The following DNAJC18 variants were observed in gnomAD, a reference collection of about 807,000 sequenced individuals.
DNAJC18 encodes dnaJ homolog subfamily C member 18.
Under a neutral mutation model 48.6 loss-of-function variants are expected in DNAJC18, and 40 were observed. That is an observed-to-expected ratio of 0.82 (90% CI 0.64 to 1.07). The LOEUF (loss-of-function observed/expected upper bound fraction) is 1.07. Among genes scored for constraint, DNAJC18 ranks in the 50% least tolerant of loss-of-function variants. DNAJC18 has a pLI of 0.00. For synonymous variants in DNAJC18, 135 were observed against 152.2 expected (o/e 0.89, Z 0.83); for missense variants, 340 against 427.7 (o/e 0.79, Z 1.81).
At chr5:139,437,614 C>T in intron 1 of DNAJC18, 56 bp from the exon 2 acceptor site, 1 of 1,554,072 alleles carries the variant, frequency 6.4e-7, no homozygotes, top group Non-Finnish European at 8.7e-7. Context: ...ATCAACTTTG[C>T]AACCTGCCTT....
intron 2 of DNAJC18, among the ~76,000 whole-genome samples, chr5:139,434,277 C>T (rs746143021): frequency 4.6e-5 from 7 of 152,128 alleles, no homozygotes; most frequent in Non-Finnish European, 1.0e-4. Context: ...GCCACTCAAA[C>T]CTGTGTTGTT....
Position 139,412,748 on chromosome 5 carries a change from T to A in DNAJC18, c.*1400A>T, listed in dbSNP as rs1759011944. On this transcript the variant is annotated 3_prime_UTR_variant, in exon 8 of 8. Transcript: ENST00000302060. Reference sequence around the variant, plus strand: ...AGTCACCAGTGGAGGGCTGCCTGCCTGTGAGGGACCTCTTATTTTGTGTAC... The same window carrying A: ...AGTCACCAGTGGAGGGCTGCCTGCCAGTGAGGGACCTCTTATTTTGTGTAC... 1.3e-5 allele frequency: 5 copies of A among 398,548 alleles called. No individual in the cohort carries two copies. Among genetic ancestry groups the A allele is most frequent in the Non-Finnish European group, 2.2e-5 (5 of 226,088 alleles). 24.7% of individuals were successfully genotyped at this position (398,548 alleles called of 1,614,324 possible).
At chr5:139,435,726 T>TTTTTTTTTTTTTTTTTTTTTTTTG (rs1413711815) in intron 2 of DNAJC18, among the ~76,000 whole-genome samples, 1 of 133,458 alleles carries the variant, frequency 7.5e-6, no homozygotes, top group African/African-American at 2.8e-5. Context: ...TTTTTTTTTT[T>TTTTTTTTTTTTTTTTTTTTTTTTG]TTTTTTCAGA....
At chr5:139,414,953 G>C (rs1217118135) in intron 7 of DNAJC18, among the ~76,000 whole-genome samples, 2 of 152,210 alleles carry the variant, frequency 1.3e-5, no homozygotes, top group Admixed American at 6.5e-5. Flanking sequence ...AATCTCTGCT[G>C]TGTTTCCTGA....
chr5:139,439,517 G>C lies in DNAJC18; in HGVS notation c.-72C>G. 1.2e-6 allele frequency: 2 copies of C among 1,610,274 alleles called. No homozygotes were observed. The highest frequency in any genetic ancestry group is 1.7e-6 in the Non-Finnish European group (2 of 1,177,802). On this transcript the variant is annotated 5_prime_UTR_variant, in exon 1 of 8. Coordinates refer to ENST00000302060, the MANE Select transcript of DNAJC18 (RefSeq NM_152686.4). This position sits in a 1 kb window ranked among gnomAD's most constrained non-coding sequence, Gnocchi z 4.1. ...GCTGAAAGAGAAGGGGGCGCGGAGC[G>C]CGGGGCACGCTGGTCATTGTAGTCC... is the stretch of plus-strand genomic sequence containing the variant.
intron 7 of DNAJC18, 107 bp downstream of exon 7, chr5:139,419,946 T>C: frequency 8.5e-7 from 1 of 1,173,786 alleles, no homozygotes; most frequent in Non-Finnish European, 1.2e-6. Flanking sequence ...TCTGTTCACA[T>C]AAACATGCGT....
intron 7 of DNAJC18, among the ~76,000 whole-genome samples, chr5:139,418,406 T>C (rs1267871159): frequency 6.6e-6 from 1 of 152,222 alleles, no homozygotes; most frequent in Non-Finnish European, 1.5e-5. Flanking sequence ...CCTCCCAAAG[T>C]GCTAGGACTA....
In DNAJC18 at chr5:139,420,188, G is replaced by T. The variant is rs376429883; in HGVS notation, c.817C>A (p.Leu273Met). ...GYTISRETQN[L>M]QVPYFVDKNF... is the part of the protein sequence containing the mutation. Reference sequence around the variant, plus strand: ...TTATCCACAAAGTAAGGCACCTGCAGGTTCTGAGTTTCTCTAGAAATGGTG... The same window carrying T: ...TTATCCACAAAGTAAGGCACCTGCATGTTCTGAGTTTCTCTAGAAATGGTG... Residue 273 changes from leucine (L) to methionine (M), a missense_variant, in exon 7 of 8, where the codon CTG becomes ATG. Transcript: ENST00000302060. 111 of 1,611,432 alleles carry T rather than the reference G, an allele frequency of 6.9e-5. No individual in the cohort carries two copies. The Middle Eastern group carries it at 9.9e-4, about 14-fold the overall frequency.
intron 3 of DNAJC18, among the ~76,000 whole-genome samples, 187 bp from the exon 4 acceptor site, chr5:139,426,544 AAAC>A (rs940996709): frequency 4.6e-5 from 7 of 152,138 alleles, no homozygotes; most frequent in Non-Finnish European, 8.8e-5. Context: ...TGATCGCCAG[AAAC>A]AACAACATTG....
In DNAJC18 at chr5:139,439,485, G is replaced by A; in HGVS notation, c.-40C>T. 2 of 1,613,674 alleles carry A rather than the reference G, an allele frequency of 1.2e-6. No individual in the cohort carries two copies. Among genetic ancestry groups the A allele is most frequent in the Non-Finnish European group, 1.7e-6 (2 of 1,179,944 alleles). On this transcript the variant is annotated 5_prime_UTR_variant, in exon 1 of 8. Transcript: ENST00000302060. This position sits in a 1 kb window ranked among gnomAD's most constrained non-coding sequence, Gnocchi z 4.1. ...AGCAGGTCCGCCGAGCCTCCCCCGT[G>A]CCCGAGGCTGAAAGAGAAGGGGGCG... is the stretch of plus-strand genomic sequence containing the variant.
At chr5:139,435,705 G>GTTTTTTTTTTTTGTTTTTTTT (rs1750628625) in intron 2 of DNAJC18, among the ~76,000 whole-genome samples, 1 of 41,194 alleles carries the variant, frequency 2.4e-5, no homozygotes, top group Non-Finnish European at 3.8e-5. Flanking sequence ...TTCATTGGAA[G>GTTTTTTTTTTTTGTTTTTTTT]TTTTTTTTTT....
chr5:139,435,226 G>A (rs762661282), intron 2 of DNAJC18, among the ~76,000 whole-genome samples: 8 of 152,020 alleles, frequency 5.3e-5, no homozygotes, highest in African/African-American at 9.7e-5. Flanking sequence ...GGTGGTGCGC[G>A]TCTGTAGTCA....
chr5:139,435,811 TC>T (rs1275487713), intron 2 of DNAJC18, among the ~76,000 whole-genome samples: 1 of 146,334 alleles, frequency 6.8e-6, no homozygotes, highest in Non-Finnish European at 1.5e-5. Flanking sequence ...GCTCCATCAA[TC>T]CTCCTACCTC....
chr5:139,424,689 C>T (rs543528878), intron 5 of DNAJC18, among the ~76,000 whole-genome samples: 7 of 129,596 alleles, frequency 5.4e-5, no homozygotes, highest in Non-Finnish European at 9.3e-5. Context: ...TATTGTACTC[C>T]GGCCTGAGTG....
In DNAJC18 at chr5:139,413,177, A is replaced by G. The variant is rs925318436; in HGVS notation, c.*971T>C. On this transcript the variant is annotated 3_prime_UTR_variant, in exon 8 of 8. Coordinates refer to ENST00000302060, the MANE Select transcript of DNAJC18 (RefSeq NM_152686.4). ...AAAATCATCTCAAATCACAAACTAT[A>G]GGATACTGGGTTAAACAAAGTGGCT... 3.3e-6 allele frequency: 1 copy of G among 302,228 alleles called. No individual in the cohort carries two copies. Among genetic ancestry groups the G allele is most frequent in the Non-Finnish European group, 6.0e-6 (1 of 165,852 alleles). The allele number at this position is 302,228 out of a possible 1,614,324, so 18.7% of individuals were successfully genotyped here.
chr5:139,424,867 A>G (rs1168993219), intron 5 of DNAJC18, 138 bp downstream of exon 5: 4 of 728,216 alleles, frequency 5.5e-6, no homozygotes, highest in Non-Finnish European at 9.3e-6. Flanking sequence ...TCTTCTAACC[A>G]TTGCTTTTGC....
rs904042143 is a variant in DNAJC18, at chr5:139,412,557, G to A, written c.*1591C>T. On this transcript the variant is annotated 3_prime_UTR_variant, in exon 8 of 8. Transcript: ENST00000302060. ...ATTACAGGCTTGAGCCAGTGCACCCGGCCGACTCTCTACCAGAAACTTTTC... is the reference window on the plus strand; with the variant it reads ...ATTACAGGCTTGAGCCAGTGCACCCAGCCGACTCTCTACCAGAAACTTTTC... The A allele has an allele frequency of 2.0e-5, 8 of 395,680 alleles. No individual in the cohort carries two copies. Among genetic ancestry groups the A allele is most frequent in the South Asian group, 2.8e-4 (2 of 7,084 alleles). 24.5% of individuals were successfully genotyped at this position (395,680 alleles called of 1,614,324 possible).
intron 4 of DNAJC18, 59 bp from the exon 5 acceptor site, chr5:139,425,173 T>C (rs1349510390): frequency 1.2e-5 from 17 of 1,475,190 alleles, no homozygotes; most frequent in Non-Finnish European, 1.5e-5. Flanking sequence ...CCTTTTTCTT[T>C]TTTTTTTGGA....
chr5:139,421,086 GC>G (rs1405251967), intron 6 of DNAJC18, among the ~76,000 whole-genome samples: 3 of 152,130 alleles, frequency 2.0e-5, no homozygotes, highest in Non-Finnish European at 4.4e-5. Flanking sequence ...AAGAAAGAAA[GC>G]TAAAGTGCCA....
Sources: gnomAD v4.1 joint callset for allele counts (sites outside exome capture counted in the v4.1 genomes callset) on GRCh38, gnomAD v4.1.1 for gene constraint, Gnocchi (gnomAD v3.1) non-coding constraint, MANE v1.5 for transcripts, NCBI Gene and HGNC (gene_info 2026-07-23, HGNC 2026-07-21) for gene names.